Variants in ZC3H18 observed in about 807,000 individuals in gnomAD.
ZC3H18 encodes the protein zinc finger CCCH-type containing 18, also known as zinc finger CCCH domain-containing protein 18.
ZC3H18 carries 8 observed loss-of-function variants against 106.1 expected under a neutral mutation model. The observed-to-expected ratio is 0.08, with a 90% CI of 0.04 to 0.14. The LOEUF (loss-of-function observed/expected upper bound fraction) is 0.14, where lower values mean the gene tolerates loss of function less well. ZC3H18 is among the 10% of genes least tolerant of loss of function. The pLI is 1.00. For missense variants in ZC3H18, 1,318 were observed against 1,278.4 expected (o/e 1.03, Z -0.47); for synonymous variants, 635 against 522.1 (o/e 1.22, Z -2.95).
At chr16:88,613,885 C>T (rs995520808) in intron 8 of ZC3H18, among the ~76,000 whole-genome samples, 5 of 152,176 alleles carry the variant, frequency 3.3e-5, no homozygotes, top group Admixed American at 2.6e-4. Flanking sequence ...AGCTCTTACA[C>T]ATAGGTCTTT....
chr16:88,623,580 G>A (rs947666984), intron 10 of ZC3H18: 8 of 620,206 alleles, frequency 1.3e-5, no homozygotes, highest in African/African-American at 3.7e-5. Flanking sequence ...TGAGATCCTC[G>A]AGTTGAGGCA....
At position 88,618,956 on chromosome 16, in the gene ZC3H18, T is replaced by C. The variant is rs192315910; in HGVS notation, c.1476-3241T>C. Among the ~76,000 whole-genome samples, 450 of 152,252 alleles carry C rather than the reference T, an allele frequency of 3.0e-3. 1 individual carries two copies. The highest frequency in any genetic ancestry group is 6.1e-3 in the Admixed American group (94 of 15,304). The stretch of plus-strand genomic sequence containing the variant: ...CTGAGCCGCACTCGGTGGGCTGTCC[T>C]GGGGCACCCATGTTGTGTGTTTTGG... On this transcript the variant is annotated intron_variant, in intron 8 of 17. Transcript: ENST00000301011.
chr16:88,624,132 CTCTA>C, intron 11 of ZC3H18, 70 bp downstream of exon 11: 1 of 1,573,828 alleles, frequency 6.4e-7, no homozygotes, highest in South Asian at 1.1e-5. Context: ...CTCCCTCCGT[CTCTA>C]TCTCTCATTT....
At chr16:88,576,212 A>ATT (rs11369010) in intron 1 of ZC3H18, among the ~76,000 whole-genome samples, 46 of 147,168 alleles carry the variant, frequency 3.1e-4, no homozygotes, top group Middle Eastern at 3.5e-3. Flanking sequence ...GAATTTTAGT[A>ATT]TTTTTTTTTT....
intron 6 of ZC3H18, among the ~76,000 whole-genome samples, chr16:88,600,903 C>T (rs920138205): frequency 4.6e-5 from 7 of 152,256 alleles, no homozygotes; most frequent in Admixed American, 2.0e-4. Flanking sequence ...CTCCATCATG[C>T]TGAGGCTTTA....
At chr16:88,575,732 G>A (rs780922821) in intron 1 of ZC3H18, among the ~76,000 whole-genome samples, 4 of 151,396 alleles carry the variant, frequency 2.6e-5, no homozygotes, top group African/African-American at 7.3e-5. Context: ...AGTTTTTTTT[G>A]GAGATTGGTC....
chr16:88,613,605 ATCT>A (rs970404825), intron 8 of ZC3H18, among the ~76,000 whole-genome samples: 7 of 152,144 alleles, frequency 4.6e-5, no homozygotes, highest in African/African-American at 1.2e-4. Flanking sequence ...TAATGAGAGC[ATCT>A]TCTTCTGTGC....
chr16:88,629,246 G>A (rs555842202), intron 16 of ZC3H18, among the ~76,000 whole-genome samples: 231 of 152,236 alleles, frequency 1.5e-3, no homozygotes, highest in Non-Finnish European at 2.5e-3. Context: ...AGGCCAAGGT[G>A]GGCAGATCAT....
chr16:88,628,463 G>A (rs944046586), intron 15 of ZC3H18, among the ~76,000 whole-genome samples: 3 of 152,160 alleles, frequency 2.0e-5, no homozygotes, highest in Non-Finnish European at 4.4e-5. Context: ...TCCTCTGCTG[G>A]AAGGGCAAGA....
Position 88,611,168 on chromosome 16 carries a change from G to C in ZC3H18, c.1207-100G>C, listed in dbSNP as rs1310264859. The C allele has an allele frequency of 2.6e-5, 18 of 689,130 alleles. No individual in the cohort carries two copies. The South Asian group carries it at 2.9e-4, about 11-fold the overall frequency. The allele number at this position is 689,130 out of a possible 1,614,324, so 42.7% of individuals were successfully genotyped here. A position where few individuals can be genotyped will look rare whatever the true frequency, so the allele number is the denominator to read the frequency against. On this transcript the variant is annotated intron_variant, in intron 7 of 17. Transcript: ENST00000301011. ...GTTTGTGGGGTACAGGTGTGATTCT[G>C]TGACACAGACAGATCGCGTGGTGTT...
intron 3 of ZC3H18, among the ~76,000 whole-genome samples, chr16:88,597,457 A>G (rs1904499031): frequency 6.6e-6 from 1 of 152,248 alleles, no homozygotes; most frequent in Admixed American, 6.5e-5. Flanking sequence ...ATTTGGTTTT[A>G]AACAATGTGT....
At chr16:88,624,838 C>T in intron 12 of ZC3H18, 93 bp downstream of exon 12, 1 of 1,472,478 alleles carries the variant, frequency 6.8e-7, no homozygotes, top group Non-Finnish European at 9.0e-7. Context: ...TGCCAGGGTC[C>T]AGAGCCAGGT....
At chr16:88,623,655 A>T in intron 10 of ZC3H18, 1 of 546,852 alleles carries the variant, frequency 1.8e-6, no homozygotes, top group South Asian at 2.5e-5. Context: ...GGGTGTTTCT[A>T]TGGGAGCTGT....
chr16:88,581,046 G>A (rs1032533030), intron 2 of ZC3H18, among the ~76,000 whole-genome samples: 1 of 152,210 alleles, frequency 6.6e-6, no homozygotes. Context: ...CTGCAGCCTC[G>A]TGGCCTACCC....
In ZC3H18 at chr16:88,625,188, T is replaced by TG; in HGVS notation, c.2043-13dup. On this transcript the variant is annotated splice_polypyrimidine_tract_variant and intron_variant, in intron 12 of 17. Coordinates refer to ENST00000301011, the MANE Select transcript of ZC3H18 (RefSeq NM_144604.4). ...GGCCACGCCCCCTGAGCCCCGCTGT[T>TG]GCTTGTATTACAGGCGGACGCTAAG... 2 of 1,575,612 alleles carry TG rather than the reference T, an allele frequency of 1.3e-6. No homozygotes were observed. Among genetic ancestry groups the TG allele is most frequent in the African/African-American group, 1.4e-5 (1 of 74,058 alleles).
chr16:88,611,318 G>A lies in ZC3H18; in HGVS notation c.1257G>A (p.Arg419=). 1.3e-6 allele frequency: 1 copy of A among 743,660 alleles called. No individual in the cohort carries two copies. Among genetic ancestry groups the A allele is most frequent in the Non-Finnish European group, 2.5e-6 (1 of 406,938 alleles). 46.1% of individuals were successfully genotyped at this position (743,660 alleles called of 1,614,324 possible). A position where few individuals can be genotyped will look rare whatever the true frequency, so the allele number is the denominator to read the frequency against. ...AGAACAGACAGCGCGAGCGCGAGCG[G>A]GAGCGGGAGCGGGACCGAGAGCGGG... The part of the protein sequence containing the change: ...ERENRQRERE[R]ERERDRERER... The change falls in exon 8 of 18, where the codon CGG becomes CGA. Residue 419 remains arginine (R), a synonymous_variant. Coordinates refer to ENST00000301011, the MANE Select transcript of ZC3H18 (RefSeq NM_144604.4).
At chr16:88,630,288 C>T (rs941928908) in intron 16 of ZC3H18, 197 bp from the exon 17 acceptor site, 1 of 538,924 alleles carries the variant, frequency 1.9e-6, no homozygotes, top group African/African-American at 1.9e-5. Flanking sequence ...TTGGCCTCAG[C>T]CTCATTTCCA....
At chr16:88,587,180 A>C (rs1025802889) in intron 3 of ZC3H18, among the ~76,000 whole-genome samples, 2 of 152,344 alleles carry the variant, frequency 1.3e-5, no homozygotes, top group African/African-American at 4.8e-5. Context: ...CTCCTGTAGA[A>C]GGAATGGTGT....
At chr16:88,570,761 C>G (rs141519297) in intron 1 of ZC3H18, among the ~76,000 whole-genome samples, 195 bp downstream of exon 1, 3,722 of 151,850 alleles carry the variant, frequency 0.025, 51 homozygotes, top group Non-Finnish European at 0.039. Flanking sequence ...CCCCGAGTTC[C>G]GTCCGTAAGC....
Sources: gnomAD v4.1 joint callset for allele counts (sites outside exome capture counted in the v4.1 genomes callset) on GRCh38, gnomAD v4.1.1 for gene constraint, MANE v1.5 for transcripts, NCBI Gene and HGNC (gene_info 2026-07-23, HGNC 2026-07-21) for gene names.